MGAM: variants seen among roughly 807,000 people sequenced by gnomAD.
MGAM encodes the protein maltase-glucoamylase.
Under a neutral mutation model 358.8 loss-of-function variants are expected in MGAM, and 253 were observed. The observed-to-expected ratio is 0.71, with a 90% CI of 0.64 to 0.78. The LOEUF (loss-of-function observed/expected upper bound fraction) is 0.78, where lower values mean the gene tolerates loss of function less well. Ranked by LOEUF, MGAM falls within the 30% of genes least tolerant of loss-of-function variation. The pLI is 0.00. For synonymous variants in MGAM, 1,105 were observed against 1,227.1 expected (o/e 0.90, Z 2.08); for missense variants, 3,080 against 3,432.6 (o/e 0.90, Z 2.57).
At chr7:142,098,222 A>G (rs62479370) in intron 66 of MGAM, among the ~76,000 whole-genome samples, 58,407 of 111,682 alleles carry the variant, frequency 0.52, 13,498 homozygotes, top group East Asian at 0.68. Context: ...TGAGGAAGCA[A>G]TGAAGAGCTC....
chr7:142,056,298 T>C (rs1239209629), intron 29 of MGAM, among the ~76,000 whole-genome samples: 1 of 152,250 alleles, frequency 6.6e-6, no homozygotes, highest in Non-Finnish European at 1.5e-5. Flanking sequence ...ACTCTCATTT[T>C]GGTAAAAATC....
intron 30 of MGAM, among the ~76,000 whole-genome samples, 184 bp downstream of exon 30, chr7:142,057,126 T>A (rs114033884): frequency 0.016 from 2,426 of 152,308 alleles, 59 homozygotes; most frequent in African/African-American, 0.056. Context: ...TCTGTAAGCA[T>A]TGCAGAATAG....
rs192746011 is a variant in MGAM, at chr7:142,054,009, G to A, written c.3160-745G>A. Among the ~76,000 whole-genome samples the A allele has an allele frequency of 5.2e-4, 79 of 152,244 alleles. 1 individual carries two copies. The Middle Eastern group carries it at 0.014, about 26-fold the overall frequency. On this transcript the variant is annotated intron_variant, in intron 26 of 70. Coordinates refer to ENST00000475668, the MANE Select transcript of MGAM (RefSeq NM_001365693.1). Reference sequence around the variant, plus strand: ...GCCCACTTTAATTCTCTCTGCCTTCGTGGTTGTTATTCTTCACCAGAATGA... The same window carrying A: ...GCCCACTTTAATTCTCTCTGCCTTCATGGTTGTTATTCTTCACCAGAATGA...
At position 142,081,024 on chromosome 7, in the gene MGAM, C is replaced by A. The variant is rs1814219427; in HGVS notation, c.6002+79C>A. 3.2e-6 allele frequency: 4 copies of A among 1,233,332 alleles called. No individual in the cohort carries two copies. The African/African-American group carries it at 4.3e-5, about 13-fold the overall frequency. 76.4% of individuals were successfully genotyped at this position (1,233,332 alleles called of 1,614,324 possible). A position where few individuals can be genotyped will look rare whatever the true frequency, so the allele number is the denominator to read the frequency against. On this transcript the variant is annotated intron_variant, in intron 50 of 70. Transcript: ENST00000475668. Reference sequence around the variant, plus strand: ...CAGGTCCATTGTCCTTGGATGTATCCTGGTTCAAAACATCACATTGTCCAC... The same window carrying A: ...CAGGTCCATTGTCCTTGGATGTATCATGGTTCAAAACATCACATTGTCCAC...
chr7:142,001,377 G>A (rs570312543), intron 1 of MGAM, among the ~76,000 whole-genome samples: 1 of 152,326 alleles, frequency 6.6e-6, no homozygotes, highest in East Asian at 1.9e-4. Flanking sequence ...AAGGATGGCT[G>A]CTTCCTACTG....
Position 142,097,643 on chromosome 7 carries a change from C to T in MGAM, c.7743C>T (p.Tyr2581=), listed in dbSNP as rs1816052891. The T allele has an allele frequency of 1.9e-6, 3 of 1,607,766 alleles. No individual in the cohort carries two copies. Among genetic ancestry groups the T allele is most frequent in the Non-Finnish European group, 2.6e-6 (3 of 1,174,880 alleles). The change falls in exon 66 of 71, where the codon TAC becomes TAT. Residue 2581 remains tyrosine (Y), a synonymous_variant. Coordinates refer to ENST00000475668, the MANE Select transcript of MGAM (RefSeq NM_001365693.1). ...AYFPRARWYD[Y]YTGVDINARG... Reference sequence around the variant, plus strand: ...TCCCTAGAGCCCGCTGGTATGATTACTACACGGTAAGTTTTTCTGAATGTT... The same window carrying T: ...TCCCTAGAGCCCGCTGGTATGATTATTACACGGTAAGTTTTTCTGAATGTT...
In MGAM at chr7:142,027,628, C is replaced by G; in HGVS notation, c.1114C>G (p.Leu372Val). The G allele has an allele frequency of 1.2e-6, 2 of 1,613,734 alleles. No homozygotes were observed. The highest frequency in any genetic ancestry group is 8.5e-7 in the Non-Finnish European group (1 of 1,179,740). Residue 372 changes from leucine (L) to valine (V), a missense_variant, in exon 10 of 71, where the codon CTT (leucine) becomes GTT (valine). By Grantham distance (32) the Leu-to-Val change is conservative (BLOSUM62 1). Around this residue, in one of 5 missense-constraint regions of MGAM, gnomAD observed 1,816 missense variants for 1,840.5 expected, o/e 0.99. Transcript: ENST00000475668. ...EYLELIGRPA[L>V]PSYWALGFHL... ...CTTTCAGCTCATTGGGCGGCCAGCC[C>G]TTCCCTCCTACTGGGCGCTTGGATT... is the stretch of plus-strand genomic sequence containing the variant.
intron 1 of MGAM, among the ~76,000 whole-genome samples, chr7:141,999,779 T>C (rs1804589969): frequency 6.6e-6 from 1 of 152,210 alleles, no homozygotes; most frequent in African/African-American, 2.4e-5. Flanking sequence ...ATTTCCTTTT[T>C]TATTTGCGTC....
chr7:141,991,581 C>T (rs1803950934), upstream of MGAM, among the ~76,000 whole-genome samples: 1 of 151,916 alleles, frequency 6.6e-6, no homozygotes, highest in Non-Finnish European at 1.5e-5. Flanking sequence ...GGATTATAGG[C>T]ACGCGCTACC....
chr7:141,988,490 G>A (rs1584874997), intron 2 of MGAM, among the ~76,000 whole-genome samples: 1 of 151,768 alleles, frequency 6.6e-6, no homozygotes, highest in East Asian at 2.0e-4. Flanking sequence ...TCAGCCTCCC[G>A]AGTAGCTGAG....
At chr7:142,049,150 G>A (rs1246361844) in intron 22 of MGAM, among the ~76,000 whole-genome samples, 2 of 152,012 alleles carry the variant, frequency 1.3e-5, no homozygotes, top group African/African-American at 4.8e-5. Context: ...TTAGTATAAC[G>A]TCCTCTAGAT....
Position 142,021,086 on chromosome 7 carries a change from T to A in MGAM, c.558+3T>A, listed in dbSNP as rs375423496. The stretch of plus-strand genomic sequence containing the variant: ...CATCTAATCGTTTCCACTTTAAGGT[T>A]GTAATTTGTTTATTTTTTTTTAAGT... On this transcript the variant is annotated splice_donor_region_variant and intron_variant, in intron 5 of 70. Coordinates refer to ENST00000475668, the MANE Select transcript of MGAM (RefSeq NM_001365693.1). 2 of 1,580,472 alleles carry A rather than the reference T, an allele frequency of 1.3e-6. No individual in the cohort carries two copies. Among genetic ancestry groups the A allele is most frequent in the Non-Finnish European group, 1.7e-6 (2 of 1,164,148 alleles).
At chr7:142,027,581 C>T (rs782329353) in intron 9 of MGAM, 29 bp from the exon 10 acceptor site, 1 of 1,610,760 alleles carries the variant, frequency 6.2e-7, no homozygotes, top group Admixed American at 1.7e-5. Context: ...AGAGTATTTG[C>T]TAATTTTCAC....
At chr7:142,033,760 A>G (rs1807721530) in intron 14 of MGAM, among the ~76,000 whole-genome samples, 1 of 152,180 alleles carries the variant, frequency 6.6e-6, no homozygotes, top group South Asian at 2.1e-4. Flanking sequence ...GGTAAATAAG[A>G]CATGACGAAG....
rs781524461 is a variant in MGAM, at chr7:142,071,167, A to G, written c.5186+49A>G. The stretch of plus-strand genomic sequence containing the variant: ...CCTTTACATTTCAGTTAGCTCAACA[A>G]TTTGTGATGAAGTCTACCAAAATGT... On this transcript the variant is annotated intron_variant, in intron 44 of 70. Coordinates refer to ENST00000475668, the MANE Select transcript of MGAM (RefSeq NM_001365693.1). 1.3e-5 allele frequency: 19 copies of G among 1,511,154 alleles called. 1 individual carries two copies. The Admixed American group carries it at 2.6e-4, about 21-fold the overall frequency. The allele number at this position is 1,511,154 out of a possible 1,614,324, so 93.6% of individuals were successfully genotyped here.
intron 8 of MGAM, among the ~76,000 whole-genome samples, chr7:142,026,369 A>G (rs996643930): frequency 7.2e-5 from 11 of 152,164 alleles, no homozygotes; most frequent in Non-Finnish European, 1.3e-4. Context: ...CTTAGGGTTA[A>G]TTCTTGGGAG....
chr7:142,057,317 G>A lies in MGAM; in HGVS notation c.3693+375G>A, dbSNP rs1811648953. Among the ~76,000 whole-genome samples, 2 of 151,494 alleles carry A rather than the reference G, an allele frequency of 1.3e-5. 1 individual carries two copies. Among genetic ancestry groups the A allele is most frequent in the African/African-American group, 4.9e-5 (2 of 41,150 alleles). ...GGTGATGGTGATGATAGTGGTGGGG[G>A]TGGTGGTAATGGGTGTGTTGGTGAT... On this transcript the variant is annotated intron_variant, in intron 30 of 70. Transcript: ENST00000475668.
chr7:142,082,341 G>A, intron 51 of MGAM, 131 bp downstream of exon 51: 2 of 1,290,648 alleles, frequency 1.5e-6, no homozygotes, highest in East Asian at 2.5e-5. Flanking sequence ...CAATTCTCAG[G>A]CTCCTTTGTT....
rs1238332169 is a variant in MGAM at position 142,042,643 on chromosome 7, A to C, written c.2498+1797A>C. ...TATATATACATATTATATATAATAT[A>C]TAATATATATTATATATACATATTA... On this transcript the variant is annotated intron_variant, in intron 21 of 70. Coordinates refer to ENST00000475668, the MANE Select transcript of MGAM (RefSeq NM_001365693.1). Among the ~76,000 whole-genome samples the C allele has an allele frequency of 3.8e-5, 2 of 52,580 alleles. 1 individual carries two copies. Among genetic ancestry groups the C allele is most frequent in the African/African-American group, 1.3e-4 (2 of 14,896 alleles). 34.5% of individuals were successfully genotyped at this position (52,580 alleles called of 152,430 possible). A position where few individuals can be genotyped will look rare whatever the true frequency, so the allele number is the denominator to read the frequency against.
Sources: gnomAD v4.1 joint callset for allele counts (sites outside exome capture counted in the v4.1 genomes callset) on GRCh38, gnomAD v4.1.1 for gene constraint, gnomAD v4.1.1 regional missense constraint, MANE v1.5 for transcripts, NCBI Gene and HGNC (gene_info 2026-07-23, HGNC 2026-07-21) for gene names.